The following CSMD3 variants were observed in gnomAD, a reference collection of about 807,000 sequenced individuals.
The protein encoded by CSMD3 is CUB and Sushi multiple domains 3.
CSMD3 carries 177 observed loss-of-function variants against 435.2 expected under a neutral mutation model. The observed-to-expected ratio is 0.41, with a 90% CI of 0.36 to 0.46. The LOEUF (loss-of-function observed/expected upper bound fraction) is 0.46. Among genes scored for constraint, CSMD3 ranks in the 20% least tolerant of loss-of-function variants. The probability of loss-of-function intolerance (pLI) is 0.34; values close to 1 mark genes in which losing one functional copy is unlikely to be tolerated. For synonymous variants in CSMD3, 1,656 were observed against 1,520.5 expected, an observed-to-expected ratio of 1.09 and a Z score of -2.07; for missense variants, 4,265 against 4,504.6, an observed-to-expected ratio of 0.95 and a Z score of 1.52.
At chr8:112,794,692 T>C (rs1280237344) in intron 13 of CSMD3, among the ~76,000 whole-genome samples, 2 of 152,170 alleles carry the variant, frequency 1.3e-5, no homozygotes, top group Non-Finnish European at 1.5e-5. Flanking sequence ...GAGTCTAGAA[T>C]AGTTCAGTCA....
At chr8:113,048,346 G>A (rs2131315883) in intron 5 of CSMD3, among the ~76,000 whole-genome samples, 1 of 152,222 alleles carries the variant, frequency 6.6e-6, no homozygotes, top group Non-Finnish European at 1.5e-5. Flanking sequence ...GCCCGCCTCG[G>A]CCTCCCAAAG....
intron 1 of CSMD3, among the ~76,000 whole-genome samples, chr8:113,417,078 A>T (rs960803535): frequency 9.2e-5 from 14 of 152,178 alleles, no homozygotes; most frequent in African/African-American, 3.4e-4. Flanking sequence ...AAAATAAAAT[A>T]TTAGTGAAGA....
chr8:112,479,655 G>A (rs1819437189), intron 31 of CSMD3, among the ~76,000 whole-genome samples: 4 of 152,302 alleles, frequency 2.6e-5, no homozygotes, highest in Admixed American at 2.6e-4. Flanking sequence ...CCACAGCTCT[G>A]TAAAGTGCAA....
chr8:112,926,677 G>T (rs556774244), intron 9 of CSMD3, among the ~76,000 whole-genome samples: 3 of 152,028 alleles, frequency 2.0e-5, no homozygotes, highest in African/African-American at 4.8e-5. Context: ...ACCTGTGTTG[G>T]CCCAAGATAG....
chr8:113,190,523 A>G (rs538155191), intron 3 of CSMD3, among the ~76,000 whole-genome samples: 128 of 151,862 alleles, frequency 8.4e-4, no homozygotes, highest in African/African-American at 2.9e-3. Context: ...ATGAAAACAG[A>G]ATGCCAAAAC....
intron 42 of CSMD3, among the ~76,000 whole-genome samples, chr8:112,339,217 A>G (rs1824860733): frequency 6.6e-6 from 1 of 151,906 alleles, no homozygotes; most frequent in Admixed American, 6.6e-5. Context: ...TAACTTTGTA[A>G]CTTCACCTTA....
At chr8:112,487,960 GA>G (rs1820301767) in intron 31 of CSMD3, among the ~76,000 whole-genome samples, 1 of 152,082 alleles carries the variant, frequency 6.6e-6, no homozygotes, top group African/African-American at 2.4e-5. Context: ...AATAAACAGG[GA>G]AGAAATTATT....
chr8:112,921,833 A>G (rs2130634243), intron 9 of CSMD3, 82 bp from the exon 10 acceptor site: 1 of 1,039,692 alleles, frequency 9.6e-7, no homozygotes, highest in Non-Finnish European at 1.5e-6. Flanking sequence ...GCAATATCCA[A>G]TAGGTCAAAT....
intron 14 of CSMD3, among the ~76,000 whole-genome samples, chr8:112,688,209 C>A (rs901898598): frequency 6.6e-6 from 1 of 152,106 alleles, no homozygotes; most frequent in Admixed American, 6.6e-5. Flanking sequence ...TCTAAATGAT[C>A]CCCACTTGGA....
intron 5 of CSMD3, chr8:113,098,398 T>G (rs2090227825): frequency 4.4e-6 from 1 of 226,004 alleles, no homozygotes; most frequent in Non-Finnish European, 8.8e-6. Flanking sequence ...TGTTTAATTT[T>G]TGCTTTCAGA....
At chr8:113,065,727 CAT>C (rs900341797) in intron 5 of CSMD3, among the ~76,000 whole-genome samples, 43 of 152,216 alleles carry the variant, frequency 2.8e-4, no homozygotes, top group African/African-American at 1.0e-3. Context: ...TGGTCTTTAT[CAT>C]ATGTCATTCC....
At chr8:112,704,728 G>T (rs569935481) in intron 13 of CSMD3, among the ~76,000 whole-genome samples, 2 of 152,174 alleles carry the variant, frequency 1.3e-5, no homozygotes, top group South Asian at 4.1e-4. Context: ...AAGACTAATT[G>T]TTCTCTAGCT....
Position 113,256,252 on chromosome 8 carries a change from T to C in CSMD3, c.514+22340A>G, listed in dbSNP as rs187762828. Among the ~76,000 whole-genome samples, 431 of 152,342 alleles carry C rather than the reference T, an allele frequency of 2.8e-3. 2 individuals carry two copies. The highest frequency in any genetic ancestry group is 9.6e-3 in the African/African-American group (401 of 41,582). ...TGCCCATTAAGAAGTCATTAGATAA[T>C]ATAGTTCAAATCTAAGCTGTTTGTT... is the stretch of plus-strand genomic sequence containing the variant. On this transcript the variant is annotated intron_variant, in intron 3 of 70. Transcript: ENST00000297405.
intron 1 of CSMD3, among the ~76,000 whole-genome samples, chr8:113,318,396 G>A (rs1417516854): frequency 6.6e-6 from 1 of 152,126 alleles, no homozygotes; most frequent in Non-Finnish European, 1.5e-5. Flanking sequence ...ATAGATTACT[G>A]TAGCTATCAT....
Position 112,324,647 on chromosome 8 carries a change from G to A in CSMD3, c.7166-4666C>T, listed in dbSNP as rs77676587. 4.4e-3 allele frequency among the ~76,000 whole-genome samples: 673 copies of A among 151,552 alleles called. 6 individuals carry two copies. The highest frequency in any genetic ancestry group is 0.015 in the African/African-American group (641 of 41,372). Reference sequence around the variant, plus strand: ...GCCCTAGTGAGAGAGAGGAGGGATCGAAAAGAGCAAAAATCAGGGGCTAAA... The same window carrying A: ...GCCCTAGTGAGAGAGAGGAGGGATCAAAAAGAGCAAAAATCAGGGGCTAAA... On this transcript the variant is annotated intron_variant, in intron 45 of 70. Transcript: ENST00000297405.
intron 4 of CSMD3, among the ~76,000 whole-genome samples, chr8:113,169,505 T>C (rs2092227614): frequency 1.3e-5 from 2 of 152,150 alleles, no homozygotes; most frequent in South Asian, 2.1e-4. Context: ...GCCACAAATA[T>C]ACTCAAATCA....
intron 4 of CSMD3, among the ~76,000 whole-genome samples, chr8:113,171,664 A>C (rs1410545286): frequency 6.6e-6 from 1 of 152,184 alleles, no homozygotes; most frequent in African/African-American, 2.4e-5. Context: ...TGATGTATCA[A>C]AAAGGTAACA....
chr8:112,338,255 A>T (rs913976101), intron 42 of CSMD3, among the ~76,000 whole-genome samples: 1 of 146,042 alleles, frequency 6.8e-6, no homozygotes, highest in East Asian at 1.9e-4. Context: ...TTTTATTTTA[A>T]TATAAAATGA....
chr8:112,403,671 G>A (rs1304837888), intron 35 of CSMD3, among the ~76,000 whole-genome samples: 2 of 151,888 alleles, frequency 1.3e-5, no homozygotes, highest in African/African-American at 4.8e-5. Context: ...TGAGGGTAGA[G>A]CCCCCGAGAC....
Sources: allele counts gnomAD v4.1 joint callset (sites outside exome capture counted in the v4.1 genomes callset), GRCh38; gene constraint gnomAD v4.1.1; transcripts MANE v1.5; gene names NCBI Gene and HGNC (gene_info 2026-07-23, HGNC 2026-07-21).